The following IL1RAP variants were observed in gnomAD, a reference collection of about 807,000 sequenced individuals.
IL1RAP encodes the protein interleukin-1 receptor accessory protein.
IL1RAP carries 35 observed loss-of-function variants against 60.7 expected under a neutral mutation model. That is an observed-to-expected ratio of 0.58 (90% CI 0.44 to 0.76). The LOEUF is 0.76. IL1RAP is among the 30% of genes least tolerant of loss of function. The probability of loss-of-function intolerance (pLI) is 0.00; values close to 1 mark genes in which losing one functional copy is unlikely to be tolerated. For missense variants in IL1RAP, 572 were observed against 693.9 expected, an observed-to-expected ratio of 0.82 and a Z score of 1.97; for synonymous variants, 268 against 250.9, an observed-to-expected ratio of 1.07 and a Z score of -0.64.
At chr3:190,632,115 A>G (rs962828666) in intron 9 of IL1RAP, among the ~76,000 whole-genome samples, 1 of 152,130 alleles carries the variant, frequency 6.6e-6, no homozygotes, top group African/African-American at 2.4e-5. Flanking sequence ...TTGTTTTATA[A>G]TAACAGCATG....
chr3:190,525,854 A>G (rs1722469064), intron 1 of IL1RAP, among the ~76,000 whole-genome samples: 1 of 152,216 alleles, frequency 6.6e-6, no homozygotes, highest in Non-Finnish European at 1.5e-5. Flanking sequence ...ATTCAGCTGG[A>G]AATTTTACAG....
rs77013610 is a variant in IL1RAP, at chr3:190,551,704, T to C, written c.-88-4426T>C. Among the ~76,000 whole-genome samples the C allele has an allele frequency of 8.6e-3, 1,305 of 152,312 alleles. 27 individuals are homozygous for C. The highest frequency in any genetic ancestry group is 0.03 in the African/African-American group (1,267 of 41,566). ...TCTCCAAAGTTATCAAAAACCTGTA[T>C]TTAAGAGCCCCTGTCAAAGTTCTAT... On this transcript the variant is annotated intron_variant, in intron 1 of 11. Transcript: ENST00000447382.
chr3:190,576,131 TAAA>T (rs1727422851), intron 3 of IL1RAP, among the ~76,000 whole-genome samples: 1 of 152,216 alleles, frequency 6.6e-6, no homozygotes, highest in East Asian at 1.9e-4. Context: ...ATTAAATATT[TAAA>T]TGTAAAAAAC....
At chr3:190,595,774 G>T (rs896889752) in intron 3 of IL1RAP, among the ~76,000 whole-genome samples, 7 of 152,202 alleles carry the variant, frequency 4.6e-5, no homozygotes, top group Non-Finnish European at 1.0e-4. Flanking sequence ...TACAGTAATA[G>T]AATTAATATA....
downstream of IL1RAP, among the ~76,000 whole-genome samples, chr3:190,652,532 G>T (rs1329613830): frequency 1.3e-5 from 2 of 152,040 alleles, no homozygotes; most frequent in Non-Finnish European, 1.5e-5. Flanking sequence ...CTTAGTAAAG[G>T]TTCTTCTACT....
In IL1RAP at chr3:190,645,839, G is replaced by C; in HGVS notation, c.1342G>C (p.Gly448Arg). 1.9e-6 allele frequency: 3 copies of C among 1,612,468 alleles called. No homozygotes were observed. The highest frequency in any genetic ancestry group is 2.5e-6 in the Non-Finnish European group (3 of 1,179,146). Residue 448 changes from glycine to arginine, a missense_variant, in exon 11 of 12, where the codon GGA (glycine) becomes CGA (arginine). Transcript: ENST00000447382. ...CTTTGACCGAGACAGTCTGCCTGGG[G>C]GAAGTAGGTATTTCAGAGGAGTACA... is the stretch of plus-strand genomic sequence containing the variant. ...CIFDRDSLPG[G>R]IVTDETLSFI...
At chr3:190,658,317 T>A (rs548072701) in exon 12 of IL1RAP, 12 of 152,248 alleles carry the variant, frequency 7.9e-5, no homozygotes, top group Admixed American at 2.6e-4. Context: ...AAAGAACATA[T>A]CTCCAAATGG....
chr3:190,657,428 C>T (rs918639339), exon 12 of IL1RAP: 1 of 152,162 alleles, frequency 6.6e-6, no homozygotes, highest in African/African-American at 2.4e-5. Flanking sequence ...ACAACAATCT[C>T]ATATTTTTAG....
At chr3:190,576,962 G>A (rs1007325971) in intron 3 of IL1RAP, among the ~76,000 whole-genome samples, 2 of 151,976 alleles carry the variant, frequency 1.3e-5, no homozygotes, top group Non-Finnish European at 2.9e-5. Flanking sequence ...TTAGCCGGGC[G>A]CGGTGGCGGG....
intron 4 of IL1RAP, among the ~76,000 whole-genome samples, chr3:190,605,621 G>GC (rs1439482350): frequency 6.6e-6 from 1 of 152,104 alleles, no homozygotes; most frequent in Non-Finnish European, 1.5e-5. Flanking sequence ...AGTTCTGGAG[G>GC]CTGGAAGTCC....
chr3:190,561,084 C>A (rs1224217196), intron 2 of IL1RAP, among the ~76,000 whole-genome samples: 1 of 152,110 alleles, frequency 6.6e-6, no homozygotes, highest in Non-Finnish European at 1.5e-5. Context: ...GGCCCCATTG[C>A]AATAATCTAA....
At chr3:190,595,655 A>G (rs1729316100) in intron 3 of IL1RAP, among the ~76,000 whole-genome samples, 1 of 152,206 alleles carries the variant, frequency 6.6e-6, no homozygotes, top group South Asian at 2.1e-4. Context: ...CAGATGGGAC[A>G]GTTTCTAAGT....
intron 5 of IL1RAP, among the ~76,000 whole-genome samples, chr3:190,610,108 G>GA (rs1730692736): frequency 6.6e-6 from 1 of 152,146 alleles, no homozygotes. Flanking sequence ...AAGCTACTGT[G>GA]AGTAGAATCA....
intron 3 of IL1RAP, among the ~76,000 whole-genome samples, chr3:190,576,381 T>TACACACAC (rs765058934): frequency 3.8e-5 from 4 of 106,648 alleles, no homozygotes; most frequent in African/African-American, 1.4e-4. Flanking sequence ...ATTATATATA[T>TACACACAC]ATACACACAC....
At chr3:190,640,059 G>C (rs756930467) in intron 9 of IL1RAP, among the ~76,000 whole-genome samples, 1 of 152,156 alleles carries the variant, frequency 6.6e-6, no homozygotes, top group Non-Finnish European at 1.5e-5. Context: ...ATAATCCTGT[G>C]CAGATTTCTA....
Position 190,650,298 on chromosome 3 carries a change from A to G in IL1RAP, c.*1593A>G. The G allele has an allele frequency of 1.4e-5, 14 of 985,146 alleles. No individual in the cohort carries two copies. The highest frequency in any genetic ancestry group is 1.7e-5 in the Non-Finnish European group (14 of 829,692). The allele number at this position is 985,146 out of a possible 1,614,324, so 61.0% of individuals were successfully genotyped here. On this transcript the variant is annotated 3_prime_UTR_variant, in exon 12 of 12. Coordinates refer to ENST00000447382, the MANE Select transcript of IL1RAP (RefSeq NM_002182.4). Reference sequence around the variant, plus strand: ...TTATATAAATAACTTAAGTATTGCTACAGTTTATCTAGGTTGCAGTGGCAT... The same window carrying G: ...TTATATAAATAACTTAAGTATTGCTGCAGTTTATCTAGGTTGCAGTGGCAT...
intron 7 of IL1RAP, among the ~76,000 whole-genome samples, chr3:190,624,355 A>AAT (rs1732045712): frequency 6.6e-6 from 1 of 152,188 alleles, no homozygotes; most frequent in Admixed American, 6.5e-5. Flanking sequence ...TCCTCACAGA[A>AAT]ATATTATTTG....
At chr3:190,605,643 GT>G (rs1730260171) in intron 4 of IL1RAP, among the ~76,000 whole-genome samples, 1 of 152,116 alleles carries the variant, frequency 6.6e-6, no homozygotes, top group African/African-American at 2.4e-5. Flanking sequence ...AGATCAGGGT[GT>G]TGGCAGGGTT....
intron 3 of IL1RAP, among the ~76,000 whole-genome samples, chr3:190,597,316 C>T (rs1729461434): frequency 6.6e-6 from 1 of 152,118 alleles, no homozygotes; most frequent in Non-Finnish European, 1.5e-5. Context: ...AAGGAAAATT[C>T]TACCTTCCTT....
Sources: gnomAD v4.1 joint callset for allele counts (sites outside exome capture counted in the v4.1 genomes callset) on GRCh38, gnomAD v4.1.1 for gene constraint, MANE v1.5 for transcripts, NCBI Gene and HGNC (gene_info 2026-07-23, HGNC 2026-07-21) for gene names.